The following COL14A1 variants were observed in gnomAD, a reference collection of about 807,000 sequenced individuals.
COL14A1 encodes collagen type XIV alpha 1 chain, also known as collagen alpha-1(XIV) chain.
Under a neutral mutation model 230.3 loss-of-function variants are expected in COL14A1, and 136 were observed. That is an observed-to-expected ratio of 0.59 (90% confidence interval 0.51 to 0.68). COL14A1 has a LOEUF of 0.68. Among genes scored for constraint, COL14A1 ranks in the 30% least tolerant of loss-of-function variants. The pLI is 0.00. For missense variants in COL14A1, 1,976 were observed against 2,215.8 expected (o/e 0.89, Z 2.17); for synonymous variants, 792 against 784.1 (o/e 1.01, Z -0.17).
chr8:120,128,640 CG>C (rs888522230), intron 1 of COL14A1, among the ~76,000 whole-genome samples: 2 of 152,026 alleles, frequency 1.3e-5, no homozygotes, highest in Non-Finnish European at 2.9e-5. Flanking sequence ...GAGGCTGAGG[CG>C]GGCATTGAGA....
At chr8:120,248,759 G>T (rs928317078) in intron 21 of COL14A1, among the ~76,000 whole-genome samples, 1 of 152,040 alleles carries the variant, frequency 6.6e-6, no homozygotes, top group African/African-American at 2.4e-5. Flanking sequence ...GGAGGTTGAG[G>T]TGGGAAAATT....
intron 11 of COL14A1, among the ~76,000 whole-genome samples, chr8:120,209,303 GTTGCA>G (rs1391511787): frequency 2.0e-5 from 3 of 152,060 alleles, no homozygotes; most frequent in Non-Finnish European, 4.4e-5. Flanking sequence ...GGAGGTAGAG[GTTGCA>G]GCTAAGATTG....
At position 120,219,138 on chromosome 8, in the gene COL14A1, A is replaced by C. The variant is rs79176100; in HGVS notation, c.1737+2648A>C. 7.2e-5 allele frequency among the ~76,000 whole-genome samples: 11 copies of C among 152,156 alleles called. 1 individual carries two copies. The South Asian group carries it at 1.9e-3, about 26-fold the overall frequency. On this transcript the variant is annotated intron_variant, in intron 14 of 47. Coordinates refer to ENST00000297848, the MANE Select transcript of COL14A1 (RefSeq NM_021110.4). ...GGAACTTTTGTTTATTTATTTATTT[A>C]GAGACGGGGTCTCTGTTGCCTAGGT...
chr8:120,182,726 G>GGTTT (rs1554603200), intron 5 of COL14A1, among the ~76,000 whole-genome samples: 32,723 of 128,436 alleles, frequency 0.25, 4,773 homozygotes, highest in African/African-American at 0.4. Context: ...ATTTTTCTTC[G>GGTTT]TTTTTTTTTT....
intron 4 of COL14A1, among the ~76,000 whole-genome samples, chr8:120,163,089 C>T (rs943951669): frequency 4.6e-5 from 7 of 152,204 alleles, no homozygotes; most frequent in Non-Finnish European, 8.8e-5. Context: ...CCCCAGAAGG[C>T]GCCAGTCCAG....
At chr8:120,260,847 A>AGCTCT (rs1563702398) in intron 23 of COL14A1, among the ~76,000 whole-genome samples, 1 of 152,190 alleles carries the variant, frequency 6.6e-6, no homozygotes, top group East Asian at 1.9e-4. Context: ...TGCACTCAAC[A>AGCTCT]GCTCTCAGAT....
In COL14A1 at chr8:120,341,315, A is replaced by G. The variant is rs531876704; in HGVS notation, c.4786-10A>G. ...ATCATAAGTAACTTGACAATTTTCC[A>G]TTTATACAGGGTGTCCCTGGAGCAA... is the stretch of plus-strand genomic sequence containing the variant. On this transcript the variant is annotated splice_polypyrimidine_tract_variant and intron_variant, in intron 42 of 47. Transcript: ENST00000297848. 9.9e-6 allele frequency: 16 copies of G among 1,614,166 alleles called. No individual in the cohort carries two copies. In the East Asian group the frequency reaches 1.8e-4, roughly 18 times the overall value.
chr8:120,341,824 A>G (rs915826077), intron 43 of COL14A1, among the ~76,000 whole-genome samples: 6 of 152,204 alleles, frequency 3.9e-5, no homozygotes, highest in Non-Finnish European at 7.3e-5. Flanking sequence ...ACTGGCCCCC[A>G]AACTGAAGTC....
At chr8:120,263,755 G>A (rs548347673) in intron 24 of COL14A1, among the ~76,000 whole-genome samples, 11 of 152,188 alleles carry the variant, frequency 7.2e-5, no homozygotes, top group Middle Eastern at 3.4e-3. Context: ...TTGGTGACCC[G>A]TCTATCATGT....
intron 23 of COL14A1, among the ~76,000 whole-genome samples, chr8:120,256,766 G>A (rs1421071434): frequency 6.6e-6 from 1 of 152,148 alleles, no homozygotes; most frequent in Non-Finnish European, 1.5e-5. Context: ...AATATGGAAG[G>A]GTTGGCATTT....
intron 19 of COL14A1, among the ~76,000 whole-genome samples, chr8:120,240,063 C>T (rs1243404066): frequency 6.6e-6 from 1 of 151,750 alleles, no homozygotes; most frequent in Non-Finnish European, 1.5e-5. Context: ...CATAGTTGGA[C>T]ACCTAGATGA....
At chr8:120,285,333 G>A (rs1207122969) in intron 32 of COL14A1, among the ~76,000 whole-genome samples, 6 of 151,618 alleles carry the variant, frequency 4.0e-5, no homozygotes, top group Non-Finnish European at 7.4e-5. Context: ...GCGTGGTGGC[G>A]GGTGCCTGTA....
intron 37 of COL14A1, among the ~76,000 whole-genome samples, chr8:120,312,380 T>C (rs889990825): frequency 5.3e-5 from 8 of 152,194 alleles, no homozygotes; most frequent in African/African-American, 1.9e-4. Flanking sequence ...AAGTTCCTAA[T>C]TACTTGCTTG....
chr8:120,166,989 G>A (rs373306670), intron 4 of COL14A1, among the ~76,000 whole-genome samples: 49 of 151,098 alleles, frequency 3.2e-4, no homozygotes, highest in African/African-American at 1.1e-3. Flanking sequence ...CGGTGAATGA[G>A]GTTTTAAAAA....
chr8:120,313,971 C>A lies in COL14A1; in HGVS notation c.4495C>A (p.Pro1499Thr), dbSNP rs1413069416. ...GPRGEIGLPG[P>T]QGPPGPQGPS... is the part of the protein sequence containing the mutation. ...TCGGGGTGAAATTGGTCTGCCAGGA[C>A]CTCAGGGTCCACCTGGACCTCAAGG... Residue 1499 changes from proline to threonine, a missense_variant, in exon 38 of 48, where the codon CCT (proline) becomes ACT (threonine). Around this residue, in one of 3 missense-constraint regions of COL14A1, gnomAD observed 1,791 missense variants for 2,019.5 expected, o/e 0.89. Transcript: ENST00000297848. The A allele has an allele frequency of 1.2e-5, 19 of 1,612,936 alleles. No homozygotes were observed. The highest frequency in any genetic ancestry group is 1.6e-5 in the Non-Finnish European group (19 of 1,179,518).
intron 19 of COL14A1, among the ~76,000 whole-genome samples, chr8:120,236,375 T>G (rs1467046042): frequency 1.3e-5 from 2 of 152,200 alleles, no homozygotes; most frequent in African/African-American, 4.8e-5. Flanking sequence ...TGTAATGCCC[T>G]TCTTTGTCTT....
At chr8:120,339,526 G>A (rs1488050342) in intron 42 of COL14A1, among the ~76,000 whole-genome samples, 3 of 152,086 alleles carry the variant, frequency 2.0e-5, no homozygotes, top group Non-Finnish European at 4.4e-5. Context: ...AGAGAATAAC[G>A]TGTTAGACTG....
intron 42 of COL14A1, among the ~76,000 whole-genome samples, chr8:120,336,621 T>A (rs117598889): frequency 6.6e-6 from 1 of 152,058 alleles, no homozygotes; most frequent in African/African-American, 2.4e-5. Context: ...GGCTTCAATC[T>A]CTTCCCTACC....
chr8:120,191,992 T>G (rs1325824984), intron 5 of COL14A1, among the ~76,000 whole-genome samples: 1 of 151,562 alleles, frequency 6.6e-6, no homozygotes, highest in African/African-American at 2.4e-5. Context: ...GTCTTGACTC[T>G]TTATCCAATT....
Sources: allele counts gnomAD v4.1 joint callset (sites outside exome capture counted in the v4.1 genomes callset), GRCh38; gene constraint gnomAD v4.1.1; regional missense constraint gnomAD v4.1.1; transcripts MANE v1.5; gene names NCBI Gene and HGNC (gene_info 2026-07-23, HGNC 2026-07-21).